Variants in ADAMTS2 observed in about 807,000 individuals in gnomAD.
The protein encoded by ADAMTS2 is A disintegrin and metalloproteinase with thrombospondin motifs 2.
A neutral mutation model predicts 123.0 loss-of-function variants in ADAMTS2; 50 were observed. The observed-to-expected ratio is 0.41, with a 90% CI of 0.32 to 0.51. The LOEUF is 0.51. Ranked by LOEUF, ADAMTS2 falls within the 20% of genes least tolerant of loss-of-function variation. The probability of loss-of-function intolerance (pLI) is 0.35; values close to 1 mark genes in which losing one functional copy is unlikely to be tolerated. For missense variants in ADAMTS2, 1,494 were observed against 1,705.2 expected (o/e 0.88, Z 2.18); for synonymous variants, 678 against 695.4 (o/e 0.98, Z 0.39).
intron 3 of ADAMTS2, among the ~76,000 whole-genome samples, chr5:179,258,140 C>A (rs1053691384): frequency 6.6e-6 from 1 of 152,188 alleles, no homozygotes; most frequent in Non-Finnish European, 1.5e-5. Flanking sequence ...CCAGTGTTAT[C>A]CAGCTCTGCC....
chr5:179,297,736 C>G (rs1756381518), intron 2 of ADAMTS2, among the ~76,000 whole-genome samples: 1 of 152,108 alleles, frequency 6.6e-6, no homozygotes. Flanking sequence ...TTGCTCTGAG[C>G]CGAGACAACC....
At chr5:179,203,432 C>T (rs142654434) in intron 4 of ADAMTS2, among the ~76,000 whole-genome samples, 98 of 152,350 alleles carry the variant, frequency 6.4e-4, no homozygotes, top group African/African-American at 2.3e-3. Context: ...CTTTTGCTTT[C>T]GCTCCAGCCA....
At chr5:179,238,430 G>A (rs901263673) in intron 3 of ADAMTS2, among the ~76,000 whole-genome samples, 3 of 152,174 alleles carry the variant, frequency 2.0e-5, no homozygotes, top group Admixed American at 6.5e-5. Context: ...GAGTATGCCG[G>A]AGGGCAGTGA....
At chr5:179,253,072 GC>G (rs1301014802) in intron 3 of ADAMTS2, among the ~76,000 whole-genome samples, 3 of 152,192 alleles carry the variant, frequency 2.0e-5, no homozygotes, top group Admixed American at 1.3e-4. Flanking sequence ...ATGTCGGCTT[GC>G]CTTTGGCGGC....
Position 179,158,912 on chromosome 5 carries a change from G to A in ADAMTS2, c.976-33C>T, listed in dbSNP as rs746706712. 6.8e-6 allele frequency: 11 copies of A among 1,611,362 alleles called. No homozygotes were observed. The highest frequency in any genetic ancestry group is 1.7e-5 in the Admixed American group (1 of 59,702). ...GGGATGGAGAGAAATGGAAGAGAGA[G>A]GTTGGCGCCTGGTGGCCCAGTGGGG... On this transcript the variant is annotated intron_variant, in intron 5 of 21. Transcript: ENST00000251582. The surrounding 1 kb of genome is among the most constrained non-coding windows in gnomAD (Gnocchi z 5.0).
intron 2 of ADAMTS2, among the ~76,000 whole-genome samples, chr5:179,316,314 G>A (rs532960593): frequency 4.6e-5 from 7 of 152,328 alleles, no homozygotes; most frequent in South Asian, 2.1e-4. Context: ...CAGAGGGGTC[G>A]GCAGGGACAG....
intron 21 of ADAMTS2, among the ~76,000 whole-genome samples, chr5:179,119,336 A>G (rs963909173): frequency 6.6e-6 from 1 of 152,206 alleles, no homozygotes; most frequent in Non-Finnish European, 1.5e-5. Flanking sequence ...CCTATGCCCA[A>G]GGCCTGTCCC....
chr5:179,226,958 G>A (rs1253155168), intron 3 of ADAMTS2, among the ~76,000 whole-genome samples: 1 of 152,198 alleles, frequency 6.6e-6, no homozygotes, highest in African/African-American at 2.4e-5. Context: ...TGCTGTGGAC[G>A]ACGTCCAAGA....
At chr5:179,151,059 G>A in intron 10 of ADAMTS2, 2 of 300,198 alleles carry the variant, frequency 6.7e-6, no homozygotes, top group South Asian at 2.8e-5. Context: ...ACCGCGCCCA[G>A]CTAATTTTTG....
At chr5:179,217,710 C>T (rs78615464) in intron 3 of ADAMTS2, among the ~76,000 whole-genome samples, 2 of 86,992 alleles carry the variant, frequency 2.3e-5, no homozygotes, top group East Asian at 4.8e-4. Flanking sequence ...CTGCTGGACT[C>T]TGCTGGCTGA....
intron 2 of ADAMTS2, among the ~76,000 whole-genome samples, chr5:179,291,234 A>G (rs570218429): frequency 1.9e-4 from 29 of 152,286 alleles, no homozygotes; most frequent in Non-Finnish European, 3.8e-4. Flanking sequence ...CCTGAGTGGC[A>G]CTTGTGGGCT....
intron 2 of ADAMTS2, among the ~76,000 whole-genome samples, chr5:179,283,373 TA>T (rs1310728572): frequency 6.6e-6 from 1 of 152,030 alleles, no homozygotes; most frequent in Admixed American, 6.6e-5. Flanking sequence ...ACTCGTTTCC[TA>T]ATCTTCAGAA....
At position 179,202,756 on chromosome 5, in the gene ADAMTS2, G is replaced by A. The variant is rs989634411; in HGVS notation, c.891+4757C>T. ...CACACCATGGCGCGGGGTGGGTCGGGAGGGCCCGAGCCTATGTTGCAGCTG... is the reference window on the plus strand; with the variant it reads ...CACACCATGGCGCGGGGTGGGTCGGAAGGGCCCGAGCCTATGTTGCAGCTG... On this transcript the variant is annotated intron_variant, in intron 4 of 21. Coordinates refer to ENST00000251582, the MANE Select transcript of ADAMTS2 (RefSeq NM_014244.5). The surrounding 1 kb of genome is among the most constrained non-coding windows in gnomAD (Gnocchi z 4.0). Among the ~76,000 whole-genome samples the A allele has an allele frequency of 1.3e-5, 2 of 151,900 alleles. No individual in the cohort carries two copies. The highest frequency in any genetic ancestry group is 2.9e-5 in the Non-Finnish European group (2 of 67,926).
chr5:179,209,447 G>C (rs948968552), intron 3 of ADAMTS2, among the ~76,000 whole-genome samples: 1 of 152,198 alleles, frequency 6.6e-6, no homozygotes, highest in African/African-American at 2.4e-5. Context: ...CAGCTGCTGG[G>C]GTTCCAGTAC....
At chr5:179,140,881 C>A (rs1044613320) in intron 10 of ADAMTS2, among the ~76,000 whole-genome samples, 41 of 143,686 alleles carry the variant, frequency 2.9e-4, no homozygotes, top group African/African-American at 1.1e-3. Context: ...CTCACTGCAA[C>A]CTCCGCCTCC....
intron 5 of ADAMTS2, among the ~76,000 whole-genome samples, chr5:179,173,224 A>C (rs200390465): frequency 1.7e-5 from 1 of 57,994 alleles, no homozygotes; most frequent in East Asian, 2.7e-3. Flanking sequence ...AATAATAATA[A>C]TAATAATAAT....
chr5:179,268,068 C>T (rs749633171), intron 3 of ADAMTS2, among the ~76,000 whole-genome samples: 5 of 152,248 alleles, frequency 3.3e-5, no homozygotes, highest in Non-Finnish European at 7.3e-5. Flanking sequence ...TTTTAAGCCA[C>T]ATTTTAACAT....
At chr5:179,279,964 G>T (rs375267511) in intron 2 of ADAMTS2, among the ~76,000 whole-genome samples, 2 of 152,150 alleles carry the variant, frequency 1.3e-5, no homozygotes, top group East Asian at 3.9e-4. Context: ...TGGGATCCTC[G>T]CCAGGTGCCA....
chr5:179,161,319 C>T (rs1361322339), intron 5 of ADAMTS2, among the ~76,000 whole-genome samples: 5 of 152,110 alleles, frequency 3.3e-5, no homozygotes, highest in East Asian at 1.9e-4. Flanking sequence ...AAGGGAAACT[C>T]GGGGTGGATG....
Sources: allele counts gnomAD v4.1 joint callset (sites outside exome capture counted in the v4.1 genomes callset), GRCh38; gene constraint gnomAD v4.1.1; non-coding constraint Gnocchi (gnomAD v3.1); transcripts MANE v1.5; gene names NCBI Gene and HGNC (gene_info 2026-07-23, HGNC 2026-07-21).